Variants in RPP38 observed in about 807,000 individuals in gnomAD.
The protein encoded by RPP38 is ribonuclease P protein subunit p38.
A neutral mutation model predicts 1.7 loss-of-function variants in RPP38; 2 were observed. The ratio of observed to expected loss-of-function variants is 1.18; its 90% CI spans 0.48 to 3.70. The LOEUF (loss-of-function observed/expected upper bound fraction) is 3.70. Ranked by LOEUF, RPP38 falls within the 30% of genes most tolerant of loss-of-function variation. The pLI is 0.07. For synonymous variants in RPP38, 151 were observed against 131.8 expected (o/e 1.15, Z -1.00); for missense variants, 358 against 340.1 (o/e 1.05, Z -0.41).
intron 1 of RPP38, among the ~76,000 whole-genome samples, chr10:15,100,867 GA>G (rs1845090416): frequency 6.6e-6 from 1 of 152,088 alleles, no homozygotes; most frequent in African/African-American, 2.4e-5. Context: ...TTTTTTAGTA[GA>G]GACGGGATTT....
rs374861978 is a variant in RPP38 at position 15,103,408 on chromosome 10, C to T, written c.94C>T (p.Arg32Cys). 45 of 1,614,066 alleles carry T rather than the reference C, an allele frequency of 2.8e-5. 1 individual carries two copies. Among genetic ancestry groups the T allele is most frequent in the South Asian group, 6.6e-5 (6 of 91,078 alleles). Reference sequence around the variant, plus strand: ...GTCGTTGAACAACCCATACATCATCCGCTGGAGCGCTCTGGAGAGCGAGGA... The same window carrying T: ...GTCGTTGAACAACCCATACATCATCTGCTGGAGCGCTCTGGAGAGCGAGGA... ...KTSLNNPYII[R>C]WSALESEDMH... The change falls in exon 3 of 3, where the codon CGC becomes TGC. Residue 32 changes from arginine (R) to cysteine (C), a missense_variant. By Grantham distance (180) the Arg-to-Cys change is radical (BLOSUM62 -3). Coordinates refer to ENST00000378197, the MANE Select transcript of RPP38 (RefSeq NM_183005.5).
intron 1 of RPP38, among the ~76,000 whole-genome samples, chr10:15,099,103 C>T (rs1845040723): frequency 6.6e-6 from 1 of 152,158 alleles, no homozygotes; most frequent in African/African-American, 2.4e-5. Context: ...TGGCCTGGCA[C>T]ATCGTGGATA....
intron 2 of RPP38, 111 bp from the exon 3 acceptor site, chr10:15,103,194 A>G: frequency 9.3e-7 from 1 of 1,075,930 alleles, no homozygotes; most frequent in Non-Finnish European, 1.3e-6. Context: ...TTCTGTCTCA[A>G]AAAATAAATA....
At position 15,104,138 on chromosome 10, in the gene RPP38, C is replaced by T. The variant is rs1191797148; in HGVS notation, c.824C>T (p.Pro275Leu). 1.1e-5 allele frequency: 18 copies of T among 1,569,880 alleles called. No homozygotes were observed. The highest frequency in any genetic ancestry group is 1.5e-5 in the Non-Finnish European group (18 of 1,164,806). Residue 275 changes from proline to leucine, a missense_variant, in exon 3 of 3, where the codon CCC becomes CTC. Coordinates refer to ENST00000378197, the MANE Select transcript of RPP38 (RefSeq NM_183005.5). ...AACCCTAATAAGATAAGGAAACCAC[C>T]CAAAAGTAAAAAAGCTACTCCAAAG... ...IPNPNKIRKPPKSKKATPK is the reference protein window; with the variant it reads ...IPNPNKIRKPLKSKKATPK
Position 15,104,060 on chromosome 10 carries a change from G to A in RPP38, c.746G>A (p.Gly249Asp), listed in dbSNP as rs974038287. The A allele has an allele frequency of 2.2e-5, 35 of 1,613,952 alleles. No homozygotes were observed. Among genetic ancestry groups the A allele is most frequent in the Non-Finnish European group, 2.8e-5 (33 of 1,180,018 alleles). ...AAACCTAAGAGAAAGCTTGCTGACG[G>A]TCGGCAGGCTTCTGTAACATTACAA... The part of the protein sequence containing the change: ...LSKPKRKLAD[G>D]RQASVTLQPL... The change falls in exon 3 of 3, where the codon GGT becomes GAT. Residue 249 changes from glycine to aspartate, a missense_variant. By Grantham distance (94) the Gly-to-Asp change is moderately conservative (BLOSUM62 -1). Coordinates refer to ENST00000378197, the MANE Select transcript of RPP38 (RefSeq NM_183005.5).
rs912828805 is a variant in RPP38, at chr10:15,104,074, G to A, written c.760G>A (p.Val254Ile). Reference sequence around the variant, plus strand: ...GCTTGCTGACGGTCGGCAGGCTTCTGTAACATTACAACCCCTTAAAATAAA... The same window carrying A: ...GCTTGCTGACGGTCGGCAGGCTTCTATAACATTACAACCCCTTAAAATAAA... ...RKLADGRQAS[V>I]TLQPLKIKKL... Residue 254 changes from valine to isoleucine, a missense_variant, in exon 3 of 3, where the codon GTA becomes ATA. Transcript: ENST00000378197. 2.5e-6 allele frequency: 4 copies of A among 1,613,144 alleles called. No individual in the cohort carries two copies. Among genetic ancestry groups the A allele is most frequent in the Non-Finnish European group, 3.4e-6 (4 of 1,179,664 alleles).
intron 1 of RPP38, among the ~76,000 whole-genome samples, chr10:15,098,226 GTTTTTTTTTTTTTT>G (rs60451551): frequency 2.3e-5 from 2 of 88,010 alleles, no homozygotes; most frequent in East Asian, 3.0e-4. Context: ...ATTTGAACGT[GTTTTTTTTTTTTTT>G]TTTTTTTTTG....
chr10:15,103,444 A>T lies in RPP38; in HGVS notation c.130A>T (p.Ile44Phe). 6.2e-7 allele frequency: 1 copy of T among 1,614,236 alleles called. No individual in the cohort carries two copies. Among genetic ancestry groups the T allele is most frequent in the Non-Finnish European group, 8.5e-7 (1 of 1,180,044 alleles). Residue 44 changes from isoleucine to phenylalanine, a missense_variant, in exon 3 of 3, where the codon ATC becomes TTC. Transcript: ENST00000378197. ...TCTGGAGAGCGAGGATATGCACTTC[A>T]TCCTACAGACGCTTGAGGACAGGCT... ...SALESEDMHFILQTLEDRLKA... is the reference protein window; with the variant it reads ...SALESEDMHFFLQTLEDRLKA...
intron 1 of RPP38, among the ~76,000 whole-genome samples, chr10:15,098,233 T>TTG (rs1379004042): frequency 2.6e-4 from 37 of 142,798 alleles, no homozygotes; most frequent in African/African-American, 1.0e-3. Flanking sequence ...CGTGTTTTTT[T>TTG]TTTTTTTTTT....
chr10:15,101,824 A>G (rs12245070), intron 1 of RPP38, among the ~76,000 whole-genome samples: 28,192 of 152,100 alleles, frequency 0.19, 3,175 homozygotes, highest in African/African-American at 0.32. Flanking sequence ...TGGGAGGCAG[A>G]GGTTGCAATA....
intron 2 of RPP38, chr10:15,103,025 TA>T (rs955797090): frequency 8.9e-4 from 180 of 202,650 alleles, no homozygotes; most frequent in Middle Eastern, 2.3e-3. Context: ...CTGTCTCTAC[TA>T]AAAAAAAATA....
rs1564549357 is a variant in RPP38 at position 15,103,495 on chromosome 10, GAAGAT to G, written c.186_190del (p.Asp62GlufsTer22). 1 of 1,613,906 alleles carries G rather than the reference GAAGAT, an allele frequency of 6.2e-7. No individual in the cohort carries two copies. Among genetic ancestry groups the G allele is most frequent in the Non-Finnish European group, 8.5e-7 (1 of 1,180,012 alleles). On this transcript the variant is annotated frameshift_variant, in exon 3 of 3. Transcript: ENST00000378197. LOFTEE classifies it low-confidence loss of function (END_TRUNC). The stretch of plus-strand genomic sequence containing the variant: ...TAAAGCTATTGGACTTCAGAAGATT[GAAGAT>G]AAGAAGAAAAAGAACAAAACACCTT...
chr10:15,102,698 C>G (rs1326254329), intron 2 of RPP38: 1 of 150,488 alleles, frequency 6.6e-6, no homozygotes, highest in African/African-American at 2.4e-5. Flanking sequence ...GGAATAAAGA[C>G]AAAGTCATAT....
chr10:15,098,153 T>C (rs1417351088), intron 1 of RPP38, among the ~76,000 whole-genome samples: 3 of 151,462 alleles, frequency 2.0e-5, no homozygotes, highest in Non-Finnish European at 2.9e-5. Flanking sequence ...ATCTGGTCCT[T>C]ACCCACCTTT....
At chr10:15,101,897 CAAA>C (rs149413624) in intron 1 of RPP38, among the ~76,000 whole-genome samples, 63 of 151,144 alleles carry the variant, frequency 4.2e-4, no homozygotes, top group African/African-American at 1.5e-3. Context: ...TCTCAAAAAA[CAAA>C]AAAAAGGGAG....
chr10:15,104,014 A>C lies in RPP38; in HGVS notation c.700A>C (p.Thr234Pro), dbSNP rs1305273107. ...LESQDRELLD[T>P]SFEDLSKPKR... ...AAGCCAAGACAGAGAGCTTTTGGACACTTCATTTGAAGATCTGTCAAAACC... is the reference window on the plus strand; with the variant it reads ...AAGCCAAGACAGAGAGCTTTTGGACCCTTCATTTGAAGATCTGTCAAAACC... Residue 234 changes from threonine to proline, a missense_variant, in exon 3 of 3, where the codon ACT (threonine) becomes CCT (proline). Thr to Pro is a conservative substitution (Grantham distance 38, BLOSUM62 -1). Transcript: ENST00000378197. 1 of 1,614,168 alleles carries C rather than the reference A, an allele frequency of 6.2e-7. No homozygotes were observed. Among genetic ancestry groups the C allele is most frequent in the East Asian group, 2.2e-5 (1 of 44,888 alleles).
intron 1 of RPP38, among the ~76,000 whole-genome samples, chr10:15,100,830 C>A (rs570413212): frequency 4.6e-5 from 7 of 152,268 alleles, no homozygotes; most frequent in Middle Eastern, 3.4e-3. Flanking sequence ...CAGGCAGGCA[C>A]CACCATGCCT....
intron 1 of RPP38, among the ~76,000 whole-genome samples, chr10:15,099,769 G>A (rs1202910407): frequency 2.6e-5 from 4 of 152,100 alleles, no homozygotes; most frequent in South Asian, 2.1e-4. Context: ...GTGAGCCACC[G>A]TGCCCAGCCT....
chr10:15,098,380 A>C (rs1845012264), intron 1 of RPP38, among the ~76,000 whole-genome samples: 1 of 149,152 alleles, frequency 6.7e-6, no homozygotes, highest in African/African-American at 2.5e-5. Flanking sequence ...GCCTGCCACC[A>C]CGCCCGGCTA....
Sources: allele counts gnomAD v4.1 joint callset (sites outside exome capture counted in the v4.1 genomes callset), GRCh38; gene constraint gnomAD v4.1.1; transcripts MANE v1.5; gene names NCBI Gene and HGNC (gene_info 2026-07-23, HGNC 2026-07-21).